The following ZNF532 variants were observed in gnomAD, a reference collection of about 807,000 sequenced individuals.
ZNF532 encodes the protein zinc finger protein 532.
In ZNF532, 22 loss-of-function variants were observed where a neutral mutation model predicts 89.3. That is an observed-to-expected ratio of 0.25 (90% CI 0.18 to 0.35). The LOEUF (loss-of-function observed/expected upper bound fraction) is 0.35, where lower values mean the gene tolerates loss of function less well. ZNF532 is among the 10% of genes least tolerant of loss of function. The probability of loss-of-function intolerance (pLI) is 1.00; values close to 1 mark genes in which losing one functional copy is unlikely to be tolerated. For synonymous variants in ZNF532, 606 were observed against 649.6 expected (o/e 0.93, Z 1.02); for missense variants, 1,132 against 1,643.4 (o/e 0.69, Z 5.38).
In ZNF532 at chr18:58,939,234, G is replaced by A. The variant is rs574757647; in HGVS notation, c.2529-211G>A. ...TGCACTCCAGCCTGGGCGACAGAGC[G>A]AGACGTTGTCTCAAAAAAAAAAAAA... is the stretch of plus-strand genomic sequence containing the variant. On this transcript the variant is annotated intron_variant, in intron 4 of 9. Transcript: ENST00000591808. 6.2e-3 allele frequency among the ~76,000 whole-genome samples: 551 copies of A among 88,552 alleles called. 3 individuals are homozygous for A. Among genetic ancestry groups the A allele is most frequent in the Middle Eastern group, 0.013 (1 of 78 alleles). 58.1% of individuals were successfully genotyped at this position (88,552 alleles called of 152,430 possible). A position where few individuals can be genotyped will look rare whatever the true frequency, so the allele number is the denominator to read the frequency against.
chr18:58,949,377 T>C (rs1172104980), intron 6 of ZNF532, among the ~76,000 whole-genome samples: 1 of 152,198 alleles, frequency 6.6e-6, no homozygotes, highest in African/African-American at 2.4e-5. Context: ...GAACTCAATC[T>C]CTTTCTTTTA....
At chr18:58,963,962 C>T (rs1603304428) in intron 7 of ZNF532, 1 of 152,114 alleles carries the variant, frequency 6.6e-6, no homozygotes. Context: ...TGAAATAAAA[C>T]GTTACATCTC....
intron 2 of ZNF532, among the ~76,000 whole-genome samples, chr18:58,917,079 C>T (rs867413563): frequency 4.6e-5 from 7 of 152,306 alleles, no homozygotes; most frequent in Admixed American, 1.3e-4. Flanking sequence ...TCTTCCCTTC[C>T]GACTGACTGC....
intron 3 of ZNF532, among the ~76,000 whole-genome samples, chr18:58,933,710 T>A (rs1461893252): frequency 1.3e-5 from 2 of 152,202 alleles, no homozygotes; most frequent in African/African-American, 2.4e-5. Flanking sequence ...AAAAACAGTG[T>A]TTTGGGTTTT....
upstream of ZNF532, chr18:58,863,024 T>G (rs2056098942): frequency 6.6e-6 from 1 of 152,214 alleles, no homozygotes; most frequent in South Asian, 2.1e-4. Context: ...CAGATTTAAT[T>G]TGTCCGAAGA....
intron 5 of ZNF532, among the ~76,000 whole-genome samples, chr18:58,942,130 C>A (rs1403539796): frequency 6.6e-6 from 1 of 151,650 alleles, no homozygotes; most frequent in Non-Finnish European, 1.5e-5. Flanking sequence ...TCAAGCCATT[C>A]TCCTGCCTCA....
At position 58,948,079 on chromosome 18, in the gene ZNF532, G is replaced by A. The variant is rs1457650457; in HGVS notation, c.2718G>A (p.Lys906=). 1 of 1,612,664 alleles carries A rather than the reference G, an allele frequency of 6.2e-7. No individual in the cohort carries two copies. The change falls in exon 6 of 10, where the codon AAG becomes AAA. Residue 906 remains lysine (K), a synonymous_variant. Transcript: ENST00000591808. Reference sequence around the variant, plus strand: ...TCTTCTATTTTAGAATAATATATAAGTGTTCCATGTGCGACACTGTGTTCA... The same window carrying A: ...TCTTCTATTTTAGAATAATATATAAATGTTCCATGTGCGACACTGTGTTCA... ...IKIGEPKIIY[K]CSMCDTVFTL...
At position 58,918,424 on chromosome 18, in the gene ZNF532, A is replaced by C. The variant is rs1439275676; in HGVS notation, c.137A>C (p.His46Pro). 9.3e-6 allele frequency: 15 copies of C among 1,614,184 alleles called. No homozygotes were observed. The highest frequency in any genetic ancestry group is 1.3e-5 in the Non-Finnish European group (15 of 1,180,026). Residue 46 changes from histidine (H) to proline (P), a missense_variant, in exon 3 of 10, where the codon CAC (histidine) becomes CCC (proline). His to Pro is a moderately conservative substitution (Grantham distance 77). Around this residue, in one of 9 missense-constraint regions of ZNF532, gnomAD observed 302 missense variants for 319.8 expected, o/e 0.94. Transcript: ENST00000591808. ...GAAAGCCACATGAAGCAGAATGCTC[A>C]CGGAGAGGATGACTCCCACGCACCA... The part of the protein sequence containing the change: ...DHESHMKQNA[H>P]GEDDSHAPSS...
At chr18:58,933,724 G>A (rs1008694892) in intron 3 of ZNF532, among the ~76,000 whole-genome samples, 5 of 152,092 alleles carry the variant, frequency 3.3e-5, no homozygotes, top group Non-Finnish European at 7.4e-5. Flanking sequence ...GGGTTTTCCT[G>A]GATAGTTACT....
Position 58,919,101 on chromosome 18 carries a change from G to A in ZNF532, c.814G>A (p.Ala272Thr). ...KSSSKLSSCI[A>T]AIAALSAKKA... is the part of the protein sequence containing the mutation. ...GTCCTCCAAGCTCTCGTCCTGCATC[G>A]CTGCCATCGCGGCTCTCAGCGCTAA... The change falls in exon 3 of 10, where the codon GCT becomes ACT. Residue 272 changes from alanine to threonine, a missense_variant. This residue lies in a region of ZNF532 where 302 missense variants were observed against 319.8 expected (regional missense o/e 0.94). Coordinates refer to ENST00000591808, the MANE Select transcript of ZNF532 (RefSeq NM_001375912.1). This position sits in a 1 kb window ranked among gnomAD's most constrained non-coding sequence, Gnocchi z 6.1. 3.7e-6 allele frequency: 6 copies of A among 1,614,156 alleles called. No individual in the cohort carries two copies. The highest frequency in any genetic ancestry group is 2.2e-5 in the East Asian group (1 of 44,886).
intron 2 of ZNF532, among the ~76,000 whole-genome samples, chr18:58,904,957 T>G (rs1374182764): frequency 6.6e-6 from 1 of 151,604 alleles, no homozygotes; most frequent in Non-Finnish European, 1.5e-5. Context: ...TTCTCGTGCC[T>G]CAGCCTCCCG....
At chr18:58,983,027 G>A (rs555222971) in intron 9 of ZNF532, among the ~76,000 whole-genome samples, 2 of 152,306 alleles carry the variant, frequency 1.3e-5, no homozygotes, top group South Asian at 2.1e-4. Flanking sequence ...CAGGAGAATC[G>A]CTTGAACCCG....
At chr18:58,865,434 T>C (rs1416777737) in intron 1 of ZNF532, 36 bp from the exon 2 acceptor site, 1 of 152,734 alleles carries the variant, frequency 6.5e-6, no homozygotes, top group Non-Finnish European at 1.5e-5. Context: ...CCAGTGATGC[T>C]GTTAGCCATA....
intron 5 of ZNF532, among the ~76,000 whole-genome samples, chr18:58,942,658 C>T (rs1400476694): frequency 6.6e-6 from 1 of 152,010 alleles, no homozygotes; most frequent in Non-Finnish European, 1.5e-5. Flanking sequence ...CTCCCTCACC[C>T]CCTTTTCCAA....
intron 2 of ZNF532, among the ~76,000 whole-genome samples, chr18:58,879,571 A>G (rs1470858903): frequency 1.3e-5 from 2 of 152,056 alleles, no homozygotes; most frequent in Non-Finnish European, 2.9e-5. Flanking sequence ...TTGTATTTTT[A>G]GTAGAGACAG....
chr18:58,961,184 G>C (rs572151670), intron 7 of ZNF532, among the ~76,000 whole-genome samples: 2 of 152,286 alleles, frequency 1.3e-5, no homozygotes, highest in East Asian at 1.9e-4. Flanking sequence ...GCAGGTCTGG[G>C]ATGGAACCCG....
At chr18:58,877,492 ATGTC>A (rs1358275947) in intron 2 of ZNF532, among the ~76,000 whole-genome samples, 8 of 152,356 alleles carry the variant, frequency 5.3e-5, no homozygotes, top group African/African-American at 1.9e-4. Flanking sequence ...CAATAAATAA[ATGTC>A]TGTTGCATGA....
Position 58,984,299 on chromosome 18 carries a change from G to A in ZNF532, c.3739G>A (p.Glu1247Lys). ...TGGGGCTGGGGAAGATAACCAACAG[G>A]AGAACAAACCCAGCCACGAGGATGA... is the stretch of plus-strand genomic sequence containing the variant. ...QNGAGEDNQQENKPSHEDESP... is the reference protein window; with the variant it reads ...QNGAGEDNQQKNKPSHEDESP... Residue 1247 changes from glutamate (E) to lysine (K), a missense_variant, in exon 10 of 10, where the codon GAG (glutamate) becomes AAG (lysine). Glu to Lys is a moderately conservative substitution (Grantham distance 56). This residue lies in a region of ZNF532 where 415 missense variants were observed against 604.8 expected (regional missense o/e 0.69). Transcript: ENST00000591808. 4 of 1,611,918 alleles carry A rather than the reference G, an allele frequency of 2.5e-6. No individual in the cohort carries two copies. The highest frequency in any genetic ancestry group is 1.7e-6 in the Non-Finnish European group (2 of 1,179,810).
intron 2 of ZNF532, among the ~76,000 whole-genome samples, chr18:58,909,385 A>G (rs578045624): frequency 1.1e-3 from 162 of 151,132 alleles, no homozygotes; most frequent in African/African-American, 3.7e-3. Context: ...AGAGCCAAGC[A>G]GAATATCATC....
Sources: allele counts gnomAD v4.1 joint callset (sites outside exome capture counted in the v4.1 genomes callset), GRCh38; gene constraint gnomAD v4.1.1; regional missense constraint gnomAD v4.1.1; non-coding constraint Gnocchi (gnomAD v3.1); transcripts MANE v1.5; gene names NCBI Gene and HGNC (gene_info 2026-07-23, HGNC 2026-07-21).